ADCY5: variants seen among roughly 807,000 people sequenced by gnomAD.
ADCY5 encodes adenylate cyclase 5.
In ADCY5, 30 loss-of-function variants were observed where a neutral mutation model predicts 119.7. The observed-to-expected ratio is 0.25, with a 90% CI of 0.19 to 0.34. The LOEUF (loss-of-function observed/expected upper bound fraction) is 0.34, where lower values mean the gene tolerates loss of function less well. ADCY5 is among the 10% of genes least tolerant of loss of function. The pLI is 1.00. For missense variants in ADCY5, 1,324 were observed against 1,775.2 expected, an observed-to-expected ratio of 0.75 and a Z score of 4.57; for synonymous variants, 753 against 762.2, an observed-to-expected ratio of 0.99 and a Z score of 0.20.
intron 1 of ADCY5, among the ~76,000 whole-genome samples, chr3:123,381,850 C>T (rs1944043053): frequency 6.6e-6 from 1 of 152,218 alleles, no homozygotes; most frequent in South Asian, 2.1e-4. Context: ...CCTGTACTCT[C>T]TTTTCAACAA....
At chr3:123,360,528 T>C (rs1943212484) in intron 1 of ADCY5, among the ~76,000 whole-genome samples, 1 of 152,136 alleles carries the variant, frequency 6.6e-6, no homozygotes. Flanking sequence ...CCATTACCAG[T>C]AAGATAAAGT....
chr3:123,353,069 A>G (rs1020620482), intron 1 of ADCY5, among the ~76,000 whole-genome samples: 3 of 152,108 alleles, frequency 2.0e-5, no homozygotes, highest in Non-Finnish European at 2.9e-5. Flanking sequence ...ACTGTGCTAA[A>G]TGCTCTAGGG....
intron 3 of ADCY5, among the ~76,000 whole-genome samples, chr3:123,335,837 GTT>G (rs927042000): frequency 2.0e-5 from 3 of 152,230 alleles, no homozygotes; most frequent in Non-Finnish European, 4.4e-5. Flanking sequence ...AACCACTGCT[GTT>G]TCCCCAAATC....
At chr3:123,304,225 G>A (rs777185091) in intron 12 of ADCY5, 42 bp from the exon 13 acceptor site, 58 of 1,232,356 alleles carry the variant, frequency 4.7e-5, no homozygotes, top group East Asian at 4.6e-4. Flanking sequence ...AGGGAGAGAC[G>A]GAATAGCATT....
Position 123,352,520 on chromosome 3 carries a change from G to A in ADCY5, c.1196C>T (p.Pro399Leu), listed in dbSNP as rs1463651600. The A allele has an allele frequency of 6.2e-7, 1 of 1,613,958 alleles. No individual in the cohort carries two copies. The highest frequency in any genetic ancestry group is 1.7e-5 in the Admixed American group (1 of 60,012). The change falls in exon 2 of 21, where the codon CCG becomes CTG. Residue 399 changes from proline to leucine, a missense_variant. By Grantham distance (98) the Pro-to-Leu change is moderately conservative (BLOSUM62 -3). Around this residue, in one of 6 missense-constraint regions of ADCY5, gnomAD observed 123 missense variants for 287.9 expected, o/e 0.43. Coordinates refer to ENST00000462833, the MANE Select transcript of ADCY5 (RefSeq NM_183357.3). The surrounding 1 kb of genome is among the most constrained non-coding windows in gnomAD (Gnocchi z 4.8). ...TNIVGVCTHY[P>L]AEVSQRQAFQ... is the part of the protein sequence containing the mutation. The stretch of plus-strand genomic sequence containing the variant: ...AGCCTGTCTCTGGGAGACCTCAGCC[G>A]GATAGTGGGTGCAGACACCCACGAT...
At chr3:123,383,311 C>G (rs535828329) in intron 1 of ADCY5, among the ~76,000 whole-genome samples, 1 of 152,194 alleles carries the variant, frequency 6.6e-6, no homozygotes, top group South Asian at 2.1e-4. Context: ...AGGCATCATT[C>G]CCTCTGCAGC....
intron 1 of ADCY5, among the ~76,000 whole-genome samples, chr3:123,383,476 G>A (rs751739079): frequency 5.3e-5 from 8 of 152,172 alleles, no homozygotes; most frequent in Non-Finnish European, 1.2e-4. Context: ...TCTTCTGATC[G>A]CCTGGGAAAA....
At chr3:123,442,314 C>T (rs887753051) in intron 1 of ADCY5, among the ~76,000 whole-genome samples, 4 of 152,166 alleles carry the variant, frequency 2.6e-5, no homozygotes, top group African/African-American at 4.8e-5. Context: ...TGCGCCATCA[C>T]GGGAGGCTCC....
intron 5 of ADCY5, among the ~76,000 whole-genome samples, chr3:123,329,879 T>C (rs1332109381): frequency 6.6e-6 from 1 of 152,206 alleles, no homozygotes; most frequent in East Asian, 1.9e-4. Context: ...CACAGTGCCT[T>C]TGGATACTTG....
intron 1 of ADCY5, among the ~76,000 whole-genome samples, chr3:123,381,654 T>A (rs930151857): frequency 2.0e-5 from 3 of 152,308 alleles, no homozygotes; most frequent in East Asian, 1.9e-4. Flanking sequence ...GTCCCATATT[T>A]TCATTTTGCA....
intron 7 of ADCY5, among the ~76,000 whole-genome samples, chr3:123,327,223 G>A (rs1472910204): frequency 6.6e-6 from 1 of 152,186 alleles, no homozygotes; most frequent in Non-Finnish European, 1.5e-5. Context: ...GGCACATGTG[G>A]AGATGGACAC....
rs542965528 is a variant in ADCY5, at chr3:123,330,091, C to T, written c.1646+798G>A. Among the ~76,000 whole-genome samples the T allele has an allele frequency of 2.6e-5, 4 of 152,334 alleles. No homozygotes were observed. In the East Asian group the frequency reaches 7.7e-4, roughly 29 times the overall value. On this transcript the variant is annotated intron_variant, in intron 5 of 20. Coordinates refer to ENST00000462833, the MANE Select transcript of ADCY5 (RefSeq NM_183357.3). ...GAGTCCTGGTCTCTCTCCCTTAAGG[C>T]TCTGTGCTTCCGGGGAGACTGATTG...
intron 1 of ADCY5, among the ~76,000 whole-genome samples, chr3:123,419,439 A>C (rs1210710997): frequency 6.6e-6 from 1 of 151,834 alleles, no homozygotes; most frequent in East Asian, 1.9e-4. Context: ...CCCCATACCC[A>C]CGTTGCCAGA....
At chr3:123,336,522 A>G (rs1187020843) in intron 3 of ADCY5, among the ~76,000 whole-genome samples, 2 of 152,192 alleles carry the variant, frequency 1.3e-5, no homozygotes, top group Non-Finnish European at 2.9e-5. Flanking sequence ...GGGGCTGGAG[A>G]TGCCCCCGGG....
intron 8 of ADCY5, among the ~76,000 whole-genome samples, 190 bp downstream of exon 8, chr3:123,325,132 G>A (rs565266064): frequency 1.1e-4 from 17 of 152,346 alleles, no homozygotes; most frequent in African/African-American, 3.6e-4. Context: ...ACGGGGTGGT[G>A]GGGAGAGCTT....
chr3:123,304,650 G>A (rs1212018829), intron 12 of ADCY5, among the ~76,000 whole-genome samples: 1 of 152,022 alleles, frequency 6.6e-6, no homozygotes, highest in Non-Finnish European at 1.5e-5. Context: ...CTCTGGGCTC[G>A]GGAGGAGGGA....
chr3:123,303,842 AG>A (rs1940010706), intron 13 of ADCY5, among the ~76,000 whole-genome samples: 1 of 58,156 alleles, frequency 1.7e-5, no homozygotes, highest in Non-Finnish European at 3.1e-5. Flanking sequence ...GAAAGAAAAG[AG>A]AAGAGAAGAG....
intron 11 of ADCY5, among the ~76,000 whole-genome samples, chr3:123,316,977 T>C (rs1426300856): frequency 1.3e-5 from 2 of 152,182 alleles, no homozygotes; most frequent in Non-Finnish European, 2.9e-5. Flanking sequence ...TTCTGTGCAT[T>C]TGAGGAATTA....
At chr3:123,381,375 C>G (rs962363411) in intron 1 of ADCY5, among the ~76,000 whole-genome samples, 1 of 152,222 alleles carries the variant, frequency 6.6e-6, no homozygotes, top group African/African-American at 2.4e-5. Flanking sequence ...CACTATACCT[C>G]TTTCTCACAA....
Sources: allele counts gnomAD v4.1 joint callset (sites outside exome capture counted in the v4.1 genomes callset), GRCh38; gene constraint gnomAD v4.1.1; regional missense constraint gnomAD v4.1.1; non-coding constraint Gnocchi (gnomAD v3.1); transcripts MANE v1.5; gene names NCBI Gene and HGNC (gene_info 2026-07-23, HGNC 2026-07-21).